Variants in ADGRL2 observed in about 807,000 individuals in gnomAD.
The protein encoded by ADGRL2 is adhesion G protein-coupled receptor L2.
ADGRL2 carries 44 observed loss-of-function variants against 157.4 expected under a neutral mutation model. The ratio of observed to expected loss-of-function variants is 0.28; its 90% CI spans 0.22 to 0.36. The LOEUF (loss-of-function observed/expected upper bound fraction) is 0.36. Among genes scored for constraint, ADGRL2 ranks in the 10% least tolerant of loss-of-function variants. ADGRL2 has a pLI of 1.00. For missense variants in ADGRL2, 1,510 were observed against 1,768.9 expected (o/e 0.85, Z 2.63); for synonymous variants, 585 against 624.7 (o/e 0.94, Z 0.95).
At chr1:81,612,625 T>C (rs1490138256) in intron 3 of ADGRL2, among the ~76,000 whole-genome samples, 1 of 151,998 alleles carries the variant, frequency 6.6e-6, no homozygotes, top group East Asian at 1.9e-4. Context: ...AATTGTTTGT[T>C]GTGGAACCCT....
At chr1:81,893,718 AAAG>A in intron 2 of ADGRL2, among the ~76,000 whole-genome samples, 1 of 152,208 alleles carries the variant, frequency 6.6e-6, no homozygotes, top group South Asian at 2.1e-4. Context: ...TAAATACAAG[AAAG>A]GATATAATTT....
At chr1:81,583,117 C>T (rs2080951217) in intron 3 of ADGRL2, among the ~76,000 whole-genome samples, 2 of 152,272 alleles carry the variant, frequency 1.3e-5, no homozygotes, top group East Asian at 1.9e-4. Context: ...TTGATTCAGC[C>T]ATGTAAAGGA....
At chr1:81,735,635 CA>C (rs1309961596) in intron 1 of ADGRL2, among the ~76,000 whole-genome samples, 1 of 151,178 alleles carries the variant, frequency 6.6e-6, no homozygotes, top group South Asian at 2.1e-4. Flanking sequence ...ACTAAAAATA[CA>C]AAAATTAGCC....
chr1:81,913,152 G>A (rs750367852), intron 3 of ADGRL2, among the ~76,000 whole-genome samples: 1 of 152,142 alleles, frequency 6.6e-6, no homozygotes, highest in Non-Finnish European at 1.5e-5. Context: ...TACCCCATTC[G>A]GTAACTTTTC....
chr1:81,420,936 G>A (rs541757147), intron 1 of ADGRL2, among the ~76,000 whole-genome samples: 1 of 152,288 alleles, frequency 6.6e-6, no homozygotes, highest in African/African-American at 2.4e-5. Context: ...ACCAGCATCT[G>A]TCTTCTCACA....
At chr1:81,986,874 T>TA in intron 21 of ADGRL2, 27 bp from the exon 22 acceptor site, 1 of 1,589,112 alleles carries the variant, frequency 6.3e-7, no homozygotes. Context: ...TTCTCTGTTT[T>TA]TTTGTTGTTT....
intron 1 of ADGRL2, among the ~76,000 whole-genome samples, chr1:81,406,895 T>A (rs1488536301): frequency 2.0e-5 from 3 of 152,160 alleles, no homozygotes; most frequent in African/African-American, 4.8e-5. Flanking sequence ...GAGGGAGTGT[T>A]GAATGGAAAT....
intron 2 of ADGRL2, among the ~76,000 whole-genome samples, chr1:81,869,397 A>G (rs751825564): frequency 1.3e-4 from 20 of 152,146 alleles, no homozygotes; most frequent in Non-Finnish European, 2.8e-4. Flanking sequence ...AAACTACAGT[A>G]TAAAGATACA....
intron 3 of ADGRL2, among the ~76,000 whole-genome samples, chr1:81,676,247 G>GA (rs2082986475): frequency 1.3e-5 from 2 of 152,078 alleles, no homozygotes; most frequent in Non-Finnish European, 2.9e-5. Flanking sequence ...CTGACCTCAT[G>GA]ATCTGCCCGC....
intron 1 of ADGRL2, among the ~76,000 whole-genome samples, chr1:81,424,223 C>T (rs1485820185): frequency 6.6e-6 from 1 of 152,176 alleles, no homozygotes; most frequent in African/African-American, 2.4e-5. Context: ...CTGCAACTGC[C>T]ATCTGTTGAG....
At chr1:81,465,361 T>C (rs1287037817) in intron 2 of ADGRL2, among the ~76,000 whole-genome samples, 1 of 152,080 alleles carries the variant, frequency 6.6e-6, no homozygotes, top group Non-Finnish European at 1.5e-5. Context: ...ATTTTGAATA[T>C]GTGGCACATG....
At chr1:81,755,372 A>G (rs929163446) in intron 1 of ADGRL2, among the ~76,000 whole-genome samples, 1 of 151,798 alleles carries the variant, frequency 6.6e-6, no homozygotes, top group Non-Finnish European at 1.5e-5. Flanking sequence ...AATTATCATT[A>G]TCATTATTAT....
chr1:81,442,381 T>C (rs1490796630), intron 1 of ADGRL2, among the ~76,000 whole-genome samples: 1 of 152,150 alleles, frequency 6.6e-6, no homozygotes, highest in African/African-American at 2.4e-5. Context: ...TTCACCAAAT[T>C]ACACAATAAA....
At chr1:81,722,466 T>C in intron 1 of ADGRL2, 1 of 1,505,698 alleles carries the variant, frequency 6.6e-7, no homozygotes, top group Non-Finnish European at 9.1e-7. Context: ...AGGGCCAGCG[T>C]TTTCGTCAAA....
At chr1:81,510,072 A>G (rs1413085560) in intron 2 of ADGRL2, among the ~76,000 whole-genome samples, 1 of 152,288 alleles carries the variant, frequency 6.6e-6, no homozygotes, top group Admixed American at 6.5e-5. Flanking sequence ...TTAATGAATG[A>G]TGGTAATAAA....
intron 3 of ADGRL2, among the ~76,000 whole-genome samples, chr1:81,681,199 G>A (rs2083105833): frequency 1.3e-5 from 2 of 152,208 alleles, no homozygotes; most frequent in South Asian, 4.1e-4. Flanking sequence ...ATGTAATTTG[G>A]TTCCTATTTG....
chr1:81,410,295 G>A (rs1014940431), intron 1 of ADGRL2, among the ~76,000 whole-genome samples: 1 of 152,132 alleles, frequency 6.6e-6, no homozygotes. Flanking sequence ...TTTGTATTAG[G>A]TCCTGCATTG....
chr1:81,860,814 G>C (rs2150764556), intron 2 of ADGRL2, among the ~76,000 whole-genome samples: 1 of 152,148 alleles, frequency 6.6e-6, no homozygotes, highest in Non-Finnish European at 1.5e-5. Flanking sequence ...GAGAATATTT[G>C]CTTCTAACTT....
chr1:81,466,706 CTT>C lies in ADGRL2; in HGVS notation c.-248+21621_-248+21622del, dbSNP rs759276972. Among the ~76,000 whole-genome samples, 4 of 152,066 alleles carry C rather than the reference CTT, an allele frequency of 2.6e-5. No homozygotes were observed. The South Asian group carries it at 6.2e-4, about 24-fold the overall frequency. On this transcript the variant is annotated intron_variant, in intron 2 of 24. Transcript: ENST00000370721. ...ACACACACACACATACACACTATGT[CTT>C]TTTGTTTTCAATTGATAATATGGCT...
Sources: allele counts gnomAD v4.1 joint callset (sites outside exome capture counted in the v4.1 genomes callset), GRCh38; gene constraint gnomAD v4.1.1; transcripts MANE v1.5; gene names NCBI Gene and HGNC (gene_info 2026-07-23, HGNC 2026-07-21).